Variants in CSMD1 observed in about 807,000 individuals in gnomAD.
The protein encoded by CSMD1 is CUB and Sushi multiple domains 1.
A neutral mutation model predicts 417.5 loss-of-function variants in CSMD1; 213 were observed. The ratio of observed to expected loss-of-function variants is 0.51; its 90% CI spans 0.46 to 0.57. The LOEUF (loss-of-function observed/expected upper bound fraction) is 0.57, where lower values mean the gene tolerates loss of function less well. Ranked by LOEUF, CSMD1 falls within the 20% of genes least tolerant of loss-of-function variation. The pLI is 0.00. For missense variants in CSMD1, 6,923 were observed against 4,529.7 expected, an observed-to-expected ratio of 1.53 and a Z score of -15.17; for synonymous variants, 2,862 against 1,736.8, an observed-to-expected ratio of 1.65 and a Z score of -16.11.
chr8:3,115,515 T>A (rs368914790), intron 42 of CSMD1, among the ~76,000 whole-genome samples: 1 of 152,134 alleles, frequency 6.6e-6, no homozygotes, highest in African/African-American at 2.4e-5. Context: ...AACCCCCACC[T>A]TTTTTTAATT....
At chr8:4,503,715 G>C (rs1802377583) in intron 2 of CSMD1, among the ~76,000 whole-genome samples, 1 of 152,096 alleles carries the variant, frequency 6.6e-6, no homozygotes, top group Non-Finnish European at 1.5e-5. Flanking sequence ...GTGGGAGCTG[G>C]AAATTAGGGG....
chr8:4,637,644 A>T (rs1409698553), intron 1 of CSMD1, 86 bp from the exon 2 acceptor site: 117 of 352,784 alleles, frequency 3.3e-4, no homozygotes, highest in East Asian at 9.7e-4. Context: ...ACTTTAGCCA[A>T]TTTTTTTTTT....
intron 11 of CSMD1, among the ~76,000 whole-genome samples, chr8:3,486,917 T>C (rs557728561): frequency 6.6e-6 from 1 of 152,288 alleles, no homozygotes; most frequent in South Asian, 2.1e-4. Flanking sequence ...TGGCAATGTC[T>C]GAACTGTCCA....
At chr8:4,984,839 G>C (rs964678828) in intron 1 of CSMD1, among the ~76,000 whole-genome samples, 4 of 152,164 alleles carry the variant, frequency 2.6e-5, no homozygotes, top group African/African-American at 9.7e-5. Context: ...AACTGGAATA[G>C]TAAAAAACAC....
intron 2 of CSMD1, among the ~76,000 whole-genome samples, chr8:4,469,082 C>G (rs1800364514): frequency 6.6e-6 from 1 of 152,176 alleles, no homozygotes; most frequent in African/African-American, 2.4e-5. Context: ...GTGTCTTACA[C>G]AGAAGACCTG....
At chr8:4,412,788 T>A (rs575894097) in intron 3 of CSMD1, among the ~76,000 whole-genome samples, 77 of 152,138 alleles carry the variant, frequency 5.1e-4, no homozygotes, top group African/African-American at 1.8e-3. Flanking sequence ...GATATGACAG[T>A]TTTATTATTT....
chr8:3,891,935 G>C (rs1168442379), intron 5 of CSMD1, among the ~76,000 whole-genome samples: 6 of 152,008 alleles, frequency 3.9e-5, no homozygotes, highest in South Asian at 2.1e-4. Context: ...ACTCTTAAGA[G>C]CAAAATGAAC....
At chr8:3,246,660 C>G (rs116862294) in intron 26 of CSMD1, among the ~76,000 whole-genome samples, 9,430 of 152,158 alleles carry the variant, frequency 0.062, 425 homozygotes, top group Non-Finnish European at 0.088. Flanking sequence ...TTGAAAGAGA[C>G]GGGGTTTTGC....
At chr8:4,429,522 T>G (rs187725475) in intron 2 of CSMD1, among the ~76,000 whole-genome samples, 134 of 152,250 alleles carry the variant, frequency 8.8e-4, no homozygotes, top group South Asian at 1.7e-3. Flanking sequence ...AGAATTCAAG[T>G]TGGATCAGAA....
At chr8:4,704,896 C>G (rs1158943751) in intron 1 of CSMD1, among the ~76,000 whole-genome samples, 1 of 152,128 alleles carries the variant, frequency 6.6e-6, no homozygotes, top group African/African-American at 2.4e-5. Flanking sequence ...AAGAAAACTG[C>G]TTAATTTTGT....
chr8:3,924,772 TA>T (rs77185538), intron 5 of CSMD1, among the ~76,000 whole-genome samples: 33,780 of 152,068 alleles, frequency 0.22, 4,625 homozygotes, highest in East Asian at 0.42. Context: ...GTTTTTCTGG[TA>T]CTCTTCAACT....
chr8:3,117,090 A>G (rs546295265), intron 42 of CSMD1, among the ~76,000 whole-genome samples: 1 of 152,144 alleles, frequency 6.6e-6, no homozygotes, highest in South Asian at 2.1e-4. Flanking sequence ...ATTTATTTTG[A>G]GACAGAGTCT....
chr8:3,937,949 C>T (rs965701135), intron 5 of CSMD1, among the ~76,000 whole-genome samples: 1 of 152,060 alleles, frequency 6.6e-6, no homozygotes, highest in Non-Finnish European at 1.5e-5. Context: ...TAGTTACATA[C>T]TAACTTACGG....
chr8:4,180,641 G>C (rs1425700557), intron 3 of CSMD1, among the ~76,000 whole-genome samples: 1 of 151,380 alleles, frequency 6.6e-6, no homozygotes, highest in Non-Finnish European at 1.5e-5. Flanking sequence ...CAAAACAAAA[G>C]AAGTTCTAAT....
chr8:4,749,889 C>A (rs17418877), intron 1 of CSMD1, among the ~76,000 whole-genome samples: 2 of 151,866 alleles, frequency 1.3e-5, no homozygotes, highest in Admixed American at 6.6e-5. Flanking sequence ...TTCAAAATCC[C>A]GGGTCTTGTT....
rs140141606 is a variant in CSMD1, at chr8:4,334,432, G to T, written c.415+85521C>A. Among the ~76,000 whole-genome samples the T allele has an allele frequency of 1.5e-4, 23 of 152,224 alleles. No individual in the cohort carries two copies. The East Asian group carries it at 4.1e-3, about 27-fold the overall frequency. ...AGCAAATACTGAGGTTTTCCAAAGAGATTCTTTCTCAAGACTGCAACATCA... is the reference window on the plus strand; with the variant it reads ...AGCAAATACTGAGGTTTTCCAAAGATATTCTTTCTCAAGACTGCAACATCA... On this transcript the variant is annotated intron_variant, in intron 3 of 69. Coordinates refer to ENST00000635120, the MANE Select transcript of CSMD1 (RefSeq NM_033225.6).
rs368857418 is a variant in CSMD1, at chr8:3,097,057, CA to C, written c.6950-21del. The C allele has an allele frequency of 4.8e-4, 719 of 1,492,966 alleles. 8 individuals carry two copies. In the African/African-American group the frequency reaches 9.0e-3, roughly 19 times the overall value. The allele number at this position is 1,492,966 out of a possible 1,614,324, so 92.5% of individuals were successfully genotyped here. On this transcript the variant is annotated intron_variant, in intron 46 of 69. Transcript: ENST00000635120. ...ATTGTGCTGGAGAGAAAAGTACCAG[CA>C]AAAGTTTGCTTTAATAAAATGATTC...
intron 18 of CSMD1, among the ~76,000 whole-genome samples, chr8:3,382,535 ATATT>A (rs983798080): frequency 1.7e-3 from 200 of 119,848 alleles, no homozygotes; most frequent in Middle Eastern, 4.5e-3. Context: ...ATATAAATAT[ATATT>A]TATTATTAGC....
intron 1 of CSMD1, among the ~76,000 whole-genome samples, chr8:4,715,138 C>T (rs368804424): frequency 6.6e-6 from 1 of 152,110 alleles, no homozygotes; most frequent in African/African-American, 2.4e-5. Context: ...GTAAGATTAA[C>T]GTAACTATAA....
Sources: allele counts gnomAD v4.1 joint callset (sites outside exome capture counted in the v4.1 genomes callset), GRCh38; gene constraint gnomAD v4.1.1; transcripts MANE v1.5; gene names NCBI Gene and HGNC (gene_info 2026-07-23, HGNC 2026-07-21).